Variants in MAN2B1 observed in about 807,000 individuals in gnomAD.
The protein encoded by MAN2B1 is lysosomal alpha-mannosidase.
Under a neutral mutation model 127.5 loss-of-function variants are expected in MAN2B1, and 99 were observed. That is an observed-to-expected ratio of 0.78 (90% CI 0.66 to 0.92). The LOEUF (loss-of-function observed/expected upper bound fraction) is 0.92, where lower values mean the gene tolerates loss of function less well. MAN2B1 is among the 40% of genes least tolerant of loss of function. MAN2B1 has a pLI of 0.00. For synonymous variants in MAN2B1, 573 were observed against 568.8 expected, an observed-to-expected ratio of 1.01 and a Z score of -0.11; for missense variants, 1,304 against 1,384.8, an observed-to-expected ratio of 0.94 and a Z score of 0.93.
At chr19:12,649,591 C>A (rs962923964) in intron 18 of MAN2B1, among the ~76,000 whole-genome samples, 163 bp from the exon 19 acceptor site, 1 of 151,210 alleles carries the variant, frequency 6.6e-6, no homozygotes, top group Admixed American at 6.6e-5. Context: ...ACGCCATTCT[C>A]CTGCCTCAGC....
At chr19:12,659,918 G>A (rs934632909) in intron 7 of MAN2B1, among the ~76,000 whole-genome samples, 1 of 152,134 alleles carries the variant, frequency 6.6e-6, no homozygotes, top group Admixed American at 6.5e-5. Context: ...CTGGGAGCGA[G>A]TGGAAGGTGG....
rs774970404 is a variant in MAN2B1, at chr19:12,655,845, T to C, written c.1679A>G (p.His560Arg). ...VIFPSSDSQA[H>R]PPELLFSASL... ...GGCTGAGAACAGCAGCTCCGGAGGG[T>C]GCGCCTGGCTGTCTGAGCTGGGAAA... The change falls in exon 14 of 24, where the codon CAC becomes CGC. Residue 560 changes from histidine (H) to arginine (R), a missense_variant. His to Arg is a conservative substitution (Grantham distance 29). Coordinates refer to ENST00000456935, the MANE Select transcript of MAN2B1 (RefSeq NM_000528.4). The C allele has an allele frequency of 1.2e-6, 2 of 1,613,378 alleles. No homozygotes were observed. Among genetic ancestry groups the C allele is most frequent in the South Asian group, 1.1e-5 (1 of 91,036 alleles).
At chr19:12,649,871 A>C in intron 18 of MAN2B1, 42 bp downstream of exon 18, 6 of 1,486,214 alleles carry the variant, frequency 4.0e-6, no homozygotes, top group African/African-American at 1.5e-5. Context: ...GGGCCCCAAC[A>C]CACCACAGAC....
In MAN2B1 at chr19:12,665,476, G is replaced by A. The variant is rs2024209784; in HGVS notation, c.312C>T (p.Val104=). The A allele has an allele frequency of 6.2e-7, 1 of 1,614,178 alleles. No homozygotes were observed. Among genetic ancestry groups the A allele is most frequent in the African/African-American group, 1.3e-5 (1 of 75,058 alleles). The part of the protein sequence containing the change: ...HAGVQYILDS[V]ISALLADPTR... Reference sequence around the variant, plus strand: ...TGGGATCTGCCAGCAAGGCAGAGATGACCGAGTCCAGGATGTACTGCACAC... The same window carrying A: ...TGGGATCTGCCAGCAAGGCAGAGATAACCGAGTCCAGGATGTACTGCACAC... The change falls in exon 3 of 24, where the codon GTC becomes GTT. Residue 104 remains valine, a synonymous_variant. Transcript: ENST00000456935.
chr19:12,646,569 G>C lies in MAN2B1; in HGVS notation c.*51C>G. ...GCCCCAAGAGGAGAGTCAGAGTCTGGTCTGCCCCCGGAGCAGGAGGCTTGG... is the reference window on the plus strand; with the variant it reads ...GCCCCAAGAGGAGAGTCAGAGTCTGCTCTGCCCCCGGAGCAGGAGGCTTGG... On this transcript the variant is annotated 3_prime_UTR_variant, in exon 24 of 24. Transcript: ENST00000456935. 1 of 1,368,106 alleles carries C rather than the reference G, an allele frequency of 7.3e-7. No homozygotes were observed. The highest frequency in any genetic ancestry group is 1.0e-6 in the Non-Finnish European group (1 of 956,300). The allele number at this position is 1,368,106 out of a possible 1,614,324, so 84.7% of individuals were successfully genotyped here.
At chr19:12,657,669 T>C in intron 10 of MAN2B1, 114 bp from the exon 11 acceptor site, 3 of 953,008 alleles carry the variant, frequency 3.1e-6, no homozygotes, top group Non-Finnish European at 5.0e-6. Flanking sequence ...AAGAAGGAAC[T>C]CGAGGACGGC....
chr19:12,665,542 T>A lies in MAN2B1; in HGVS notation c.263-17A>T. On this transcript the variant is annotated splice_polypyrimidine_tract_variant and intron_variant, in intron 2 of 23. Coordinates refer to ENST00000456935, the MANE Select transcript of MAN2B1 (RefSeq NM_000528.4). ...CATTCTTGACTGTGGATAACAGGGA[T>A]AAGGCTCTCAGGGAACAGCAGAGCC... is the stretch of plus-strand genomic sequence containing the variant. 2 of 1,614,038 alleles carry A rather than the reference T, an allele frequency of 1.2e-6. No individual in the cohort carries two copies. The highest frequency in any genetic ancestry group is 1.7e-6 in the Non-Finnish European group (2 of 1,179,976).
chr19:12,655,578 G>A (rs2023935062), intron 14 of MAN2B1, 116 bp downstream of exon 14: 2 of 1,006,610 alleles, frequency 2.0e-6, no homozygotes, highest in Non-Finnish European at 3.0e-6. Flanking sequence ...ACAATGAGGG[G>A]AGTTGTGACA....
chr19:12,657,478 G>T lies in MAN2B1; in HGVS notation c.1387C>A (p.Arg463Ser), dbSNP rs2023995499. ...GGCCCCCAGCCTGCCGCAAGCTGGCGCGCGTAGTCGTTGGCCACGTGCTGG... is the reference window on the plus strand; with the variant it reads ...GGCCCCCAGCCTGCCGCAAGCTGGCTCGCGTAGTCGTTGGCCACGTGCTGG... ...SRQHVANDYA[R>S]QLAAGWGPCE... Residue 463 changes from arginine (R) to serine (S), a missense_variant, in exon 11 of 24, where the codon CGC becomes AGC. By Grantham distance (110) the Arg-to-Ser change is moderately radical. Coordinates refer to ENST00000456935, the MANE Select transcript of MAN2B1 (RefSeq NM_000528.4). 1 of 1,564,002 alleles carries T rather than the reference G, an allele frequency of 6.4e-7. No individual in the cohort carries two copies. The highest frequency in any genetic ancestry group is 1.2e-5 in the South Asian group (1 of 85,080).
At chr19:12,649,542 C>T (rs1402255801) in intron 18 of MAN2B1, 114 bp from the exon 19 acceptor site, 11 of 672,458 alleles carry the variant, frequency 1.6e-5, no homozygotes, top group Admixed American at 2.8e-5. Flanking sequence ...AGTGCAGTGG[C>T]GCGATCTCGG....
intron 11 of MAN2B1, 190 bp downstream of exon 11, chr19:12,657,256 C>A: frequency 1.4e-6 from 1 of 700,854 alleles, no homozygotes. Flanking sequence ...CGCCTCCTTC[C>A]CCCCTCCAAA....
At chr19:12,664,706 T>C (rs1357658776) in intron 4 of MAN2B1, 86 bp downstream of exon 4, 23 of 1,367,764 alleles carry the variant, frequency 1.7e-5, no homozygotes, top group Non-Finnish European at 2.0e-5. Context: ...CCTTGTGAGA[T>C]TGCAGGGAGA....
At chr19:12,661,048 C>T (rs1004879149) in intron 7 of MAN2B1, 19 of 488,260 alleles carry the variant, frequency 3.9e-5, no homozygotes, top group South Asian at 1.1e-4. Flanking sequence ...TGAGCCATTG[C>T]GCCCGGCCTC....
At position 12,661,298 on chromosome 19, in the gene MAN2B1, T is replaced by C; in HGVS notation, c.988A>G (p.Lys330Glu). 1 of 1,614,100 alleles carries C rather than the reference T, an allele frequency of 6.2e-7. No individual in the cohort carries two copies. Reference protein sequence around the residue: ...FQYENANMWFKNLDKLIRLVN... With the variant: ...FQYENANMWFENLDKLIRLVN... ...AGCCGGATGAGCTTGTCAAGGTTCT[T>C]GAACCACATGTTGGCATTCTCATAT... is the stretch of plus-strand genomic sequence containing the variant. The change falls in exon 7 of 24, where the codon AAG (lysine) becomes GAG (glutamate). Residue 330 changes from lysine to glutamate, a missense_variant. Physicochemically the swap from Lys to Glu is moderately conservative, Grantham distance 56 (BLOSUM62 1). Transcript: ENST00000456935.
chr19:12,657,643 G>C, intron 10 of MAN2B1, 88 bp from the exon 11 acceptor site: 1 of 1,154,664 alleles, frequency 8.7e-7, no homozygotes, highest in Non-Finnish European at 1.3e-6. Flanking sequence ...TGGCGGGCAG[G>C]ATTCTTAGAG....
At chr19:12,657,341 G>C (rs2023991065) in intron 11 of MAN2B1, 105 bp downstream of exon 11, 1 of 927,886 alleles carries the variant, frequency 1.1e-6, no homozygotes, top group Non-Finnish European at 1.5e-6. Flanking sequence ...CCCCGCCACA[G>C]GGCTCTCGGC....
intron 16 of MAN2B1, among the ~76,000 whole-genome samples, 168 bp downstream of exon 16, chr19:12,651,985 A>G (rs1036200704): frequency 2.6e-5 from 4 of 152,152 alleles, no homozygotes; most frequent in Non-Finnish European, 4.4e-5. Flanking sequence ...TATCAATTCT[A>G]TGGAAGGACC....
In MAN2B1 at chr19:12,656,525, C is replaced by T. The variant is rs147437282; in HGVS notation, c.1644+46G>A. 61 of 1,403,266 alleles carry T rather than the reference C, an allele frequency of 4.3e-5. 1 individual carries two copies. Among genetic ancestry groups the T allele is most frequent in the Admixed American group, 6.7e-5 (4 of 59,722 alleles). The allele number at this position is 1,403,266 out of a possible 1,614,324, so 86.9% of individuals were successfully genotyped here. A position where few individuals can be genotyped will look rare whatever the true frequency, so the allele number is the denominator to read the frequency against. Reference sequence around the variant, plus strand: ...CATGGGGGCGATGAGGAAATGCCCACTGGGGGAGGAGTCCCAGCGGGGGAA... The same window carrying T: ...CATGGGGGCGATGAGGAAATGCCCATTGGGGGAGGAGTCCCAGCGGGGGAA... On this transcript the variant is annotated intron_variant, in intron 13 of 23. Coordinates refer to ENST00000456935, the MANE Select transcript of MAN2B1 (RefSeq NM_000528.4).
chr19:12,658,687 C>A, intron 7 of MAN2B1, 177 bp from the exon 8 acceptor site: 1 of 630,738 alleles, frequency 1.6e-6, no homozygotes, highest in South Asian at 1.8e-5. Context: ...TCAAACATGA[C>A]CACTAGCCTT....
Sources: gnomAD v4.1 joint callset for allele counts (sites outside exome capture counted in the v4.1 genomes callset) on GRCh38, gnomAD v4.1.1 for gene constraint, MANE v1.5 for transcripts, NCBI Gene and HGNC (gene_info 2026-07-23, HGNC 2026-07-21) for gene names.